Variants in F8 observed in about 807,000 individuals in gnomAD.
The protein encoded by F8 is coagulation factor VIII, also known as antihemophilic factor.
Under a neutral mutation model 140.6 loss-of-function variants are expected in F8, and 12 were observed. That is an observed-to-expected ratio of 0.09 (90% confidence interval 0.05 to 0.14). The LOEUF (loss-of-function observed/expected upper bound fraction) is 0.14. Among genes scored for constraint, F8 ranks in the 10% least tolerant of loss-of-function variants. The pLI, the probability that F8 is intolerant of heterozygous loss-of-function variation, is 1.00. For missense variants in F8, 1,354 were observed against 1,720.7 expected, an observed-to-expected ratio of 0.79 and a Z score of 3.77; for synonymous variants, 585 against 614.6, an observed-to-expected ratio of 0.95 and a Z score of 0.71.
At chrX:154,955,160 T>C (rs1557281068) in intron 11 of F8, among the ~76,000 whole-genome samples, 1 of 99,740 alleles carries the variant, frequency 1.0e-5, no homozygotes, top group Non-Finnish European at 2.0e-5. Flanking sequence ...AAAGTATTTA[T>C]TAAGCTTTTT....
rs2124047437 is a variant in F8, at chrX:154,928,799, C to T, written c.4991G>A (p.Arg1664His). Residue 1664 changes from arginine to histidine, a missense_variant, in exon 14 of 26, where the codon CGC (arginine) becomes CAC (histidine). Around this residue, in one of 4 missense-constraint regions of F8, gnomAD observed 658 missense variants for 666.5 expected, o/e 0.99. Transcript: ENST00000360256. ...LCSQNPPVLK[R>H]HQREITRTTL... ...AGTACGAGTTATTTCCCGTTGATGG[C>T]GTTTCAAGACTGGTGGGTTTTGAGA... 8.3e-7 allele frequency: 1 copy of T among 1,211,458 alleles called. No individual in the cohort carries two copies. The highest frequency in any genetic ancestry group is 1.1e-6 in the Non-Finnish European group (1 of 895,324).
At chrX:154,944,727 T>A (rs1409985503) in intron 13 of F8, among the ~76,000 whole-genome samples, 11 of 111,551 alleles carry the variant, frequency 9.9e-5, no homozygotes, top group Admixed American at 8.5e-4. Flanking sequence ...ACACGTATGT[T>A]TATAGCGGCA....
At chrX:155,013,017 G>A (rs1202875979) in intron 1 of F8, among the ~76,000 whole-genome samples, 1 of 108,414 alleles carries the variant, frequency 9.2e-6, no homozygotes, top group African/African-American at 3.4e-5. Context: ...GTGGTGGCGG[G>A]CGCCTGTCGT....
At chrX:154,906,705 C>T in intron 14 of F8, 132 bp from the exon 15 acceptor site, 1 of 577,079 alleles carries the variant, frequency 1.7e-6, no homozygotes, top group Non-Finnish European at 2.8e-6. Context: ...TTGAAATACT[C>T]TTGCCAAGCT....
rs2073407428 is a variant in F8 at position 154,963,504 on chromosome X, A to G, written c.1444-2336T>C. Among the ~76,000 whole-genome samples the G allele has an allele frequency of 3.6e-5, 4 of 111,929 alleles. No homozygotes were observed. The Admixed American group carries it at 3.8e-4, about 11-fold the overall frequency. ...CTTTGCTATTGTGAGTAGTGCCGCA[A>G]TAAACATACGTGTGCATGTGTCTTT... On this transcript the variant is annotated intron_variant, in intron 9 of 25. Coordinates refer to ENST00000360256, the MANE Select transcript of F8 (RefSeq NM_000132.4).
In F8 at chrX:154,929,686, C is replaced by T. The variant is rs183178693; in HGVS notation, c.4104G>A (p.Pro1368=). 19 of 1,206,999 alleles carry T rather than the reference C, an allele frequency of 1.6e-5. No homozygotes were observed. In the African/African-American group the frequency reaches 2.6e-4, roughly 17 times the overall value. ...TGTAGTCTATCTGTGTGAGGGTGCT[C>T]GGGGTCAAATGTTTCATGTTTTTGG... ...QWSKNMKHLT[P]STLTQIDYNE... The change falls in exon 14 of 26, where the codon CCG becomes CCA. Residue 1368 remains proline, a synonymous_variant. Coordinates refer to ENST00000360256, the MANE Select transcript of F8 (RefSeq NM_000132.4).
chrX:155,012,547 G>A (rs1233839044), intron 1 of F8, among the ~76,000 whole-genome samples: 1 of 111,415 alleles, frequency 9.0e-6, no homozygotes, highest in African/African-American at 3.3e-5. Context: ...CTGGCCTAGA[G>A]CAATCCTGCT....
rs143370306 is a variant in F8 at position 154,916,685 on chromosome X, C to T, written c.5220-10112G>A. On this transcript the variant is annotated intron_variant, in intron 14 of 25. Coordinates refer to ENST00000360256, the MANE Select transcript of F8 (RefSeq NM_000132.4). The stretch of plus-strand genomic sequence containing the variant: ...GATTTCAATTATTTGGGTCTTCTCT[C>T]ATTTTTTTTCCTTAGTCTAGCTAAA... Among the ~76,000 whole-genome samples the T allele has an allele frequency of 5.8e-3, 645 of 111,182 alleles. 7 individuals carry two copies. Among genetic ancestry groups the T allele is most frequent in the African/African-American group, 0.02 (614 of 30,729 alleles).
rs190791873 is a variant in F8, at chrX:154,879,772, C to T, written c.6429+16305G>A. Among the ~76,000 whole-genome samples, 6 of 111,246 alleles carry T rather than the reference C, an allele frequency of 5.4e-5. No individual in the cohort carries two copies. The East Asian group carries it at 1.7e-3, about 32-fold the overall frequency. ...GATTGGATCATGGGGGTGGATTTCC[C>T]CTTGCTGTTCTTGAGACAGTGAGTG... On this transcript the variant is annotated intron_variant, in intron 22 of 25. Coordinates refer to ENST00000360256, the MANE Select transcript of F8 (RefSeq NM_000132.4).
intron 25 of F8, among the ~76,000 whole-genome samples, chrX:154,838,708 G>A (rs2072493913): frequency 8.9e-6 from 1 of 111,873 alleles, no homozygotes; most frequent in African/African-American, 3.3e-5. Flanking sequence ...ATCTTCAAGT[G>A]TGGTGTCAGT....
chrX:154,982,026 C>G (rs977326566), intron 6 of F8, among the ~76,000 whole-genome samples: 1 of 105,978 alleles, frequency 9.4e-6, no homozygotes, highest in East Asian at 3.0e-4. Flanking sequence ...TCTACTAAAA[C>G]TACAAAAATT....
At chrX:154,838,889 G>A (rs1297518966) in intron 25 of F8, among the ~76,000 whole-genome samples, 3 of 109,598 alleles carry the variant, frequency 2.7e-5, no homozygotes, top group East Asian at 2.9e-4. Context: ...TATTGGAATC[G>A]CCTTTGGAGC....
intron 1 of F8, among the ~76,000 whole-genome samples, chrX:155,020,883 G>A (rs1273235622): frequency 8.9e-6 from 1 of 112,187 alleles, no homozygotes; most frequent in African/African-American, 3.2e-5. Flanking sequence ...TTCATACTTC[G>A]ATGGTAGAAA....
At chrX:155,019,855 C>A (rs2073751539) in intron 1 of F8, among the ~76,000 whole-genome samples, 1 of 111,161 alleles carries the variant, frequency 9.0e-6, no homozygotes, top group Non-Finnish European at 1.9e-5. Context: ...ACTAAGCACT[C>A]ATAAATGGAA....
intron 6 of F8, among the ~76,000 whole-genome samples, chrX:154,971,663 T>C (rs1370811811): frequency 1.8e-5 from 2 of 111,367 alleles, no homozygotes; most frequent in South Asian, 3.7e-4. Context: ...ATTGTACCCA[T>C]TGACCAATCT....
At position 154,838,945 on chromosome X, in the gene F8, C is replaced by G. The variant is rs1349969807; in HGVS notation, c.6901-1193G>C. ...GTAAGTTCCCCACCCCCCCACCCCCCCAAGAGATGCCAATTTAATCGGTCT... is the reference window on the plus strand; with the variant it reads ...GTAAGTTCCCCACCCCCCCACCCCCGCAAGAGATGCCAATTTAATCGGTCT... On this transcript the variant is annotated intron_variant, in intron 25 of 25. Coordinates refer to ENST00000360256, the MANE Select transcript of F8 (RefSeq NM_000132.4). Among the ~76,000 whole-genome samples, 4 of 83,050 alleles carry G rather than the reference C, an allele frequency of 4.8e-5. No homozygotes were observed. In the South Asian group the frequency reaches 3.0e-3, roughly 62 times the overall value. The allele number at this position is 83,050 out of a possible 115,157, so 72.1% of individuals were successfully genotyped here.
chrX:154,911,294 T>C (rs2073066348), intron 14 of F8, among the ~76,000 whole-genome samples: 1 of 107,744 alleles, frequency 9.3e-6, no homozygotes, highest in South Asian at 4.3e-4. Context: ...TCACTGTGGG[T>C]GACGAGGGGC....
At chrX:154,978,036 T>TC (rs1275447292) in intron 6 of F8, among the ~76,000 whole-genome samples, 1 of 109,652 alleles carries the variant, frequency 9.1e-6, no homozygotes, top group Non-Finnish European at 1.9e-5. Flanking sequence ...CTTGGTCCGG[T>TC]CTATTGTTGA....
rs782815916 is a variant in F8 at position 155,001,893 on chromosome X, CAG to C, written c.144-2295_144-2294del. Among the ~76,000 whole-genome samples the C allele has an allele frequency of 3.6e-5, 4 of 111,929 alleles. No homozygotes were observed. In the East Asian group the frequency reaches 1.1e-3, roughly 32 times the overall value. On this transcript the variant is annotated intron_variant, in intron 1 of 25. Coordinates refer to ENST00000360256, the MANE Select transcript of F8 (RefSeq NM_000132.4). ...CAAAACTGCACTCCAGCCTGGGCAA[CAG>C]AGTGAGATCCCATCTCCAAAAAGAA...
Sources: gnomAD v4.1 joint callset for allele counts (sites outside exome capture counted in the v4.1 genomes callset) on GRCh38, gnomAD v4.1.1 for gene constraint, gnomAD v4.1.1 regional missense constraint, MANE v1.5 for transcripts, NCBI Gene and HGNC (gene_info 2026-07-23, HGNC 2026-07-21) for gene names.